The following FOXN3 variants were observed in gnomAD, a reference collection of about 807,000 sequenced individuals.
FOXN3 encodes the protein forkhead box N3, also known as forkhead box protein N3.
A neutral mutation model predicts 38.4 loss-of-function variants in FOXN3; 7 were observed. That is an observed-to-expected ratio of 0.18 (90% CI 0.10 to 0.34). The LOEUF (loss-of-function observed/expected upper bound fraction) is 0.34, where lower values mean the gene tolerates loss of function less well. FOXN3 is among the 10% of genes least tolerant of loss of function. The probability of loss-of-function intolerance (pLI) is 1.00; values close to 1 mark genes in which losing one functional copy is unlikely to be tolerated. For missense variants in FOXN3, 456 were observed against 613.4 expected (o/e 0.74, Z 2.71); for synonymous variants, 230 against 242.2 (o/e 0.95, Z 0.47).
chr14:89,590,962 A>G (rs764648208), intron 1 of FOXN3, among the ~76,000 whole-genome samples: 6 of 148,864 alleles, frequency 4.0e-5, no homozygotes, highest in Non-Finnish European at 6.0e-5. Flanking sequence ...TCCTTGTCCA[A>G]TCACCGCTCT....
chr14:89,248,556 G>C (rs991297406), intron 4 of FOXN3, among the ~76,000 whole-genome samples: 2 of 152,200 alleles, frequency 1.3e-5, no homozygotes, highest in Non-Finnish European at 1.5e-5. Context: ...TGCCCTGGGG[G>C]GAAAAGTCAG....
intron 1 of FOXN3, among the ~76,000 whole-genome samples, chr14:89,520,074 C>G (rs1012057252): frequency 1.3e-4 from 19 of 141,692 alleles, no homozygotes; most frequent in Non-Finnish European, 2.4e-4. Flanking sequence ...AGTGCAGCGG[C>G]ACGAGCGCGG....
chr14:89,235,925 C>T (rs1435497917), intron 4 of FOXN3, among the ~76,000 whole-genome samples: 1 of 147,838 alleles, frequency 6.8e-6, no homozygotes, highest in Non-Finnish European at 1.5e-5. Context: ...TTGTTTGAAG[C>T]CACTAGGTTT....
chr14:89,337,006 A>C (rs2139994011), intron 3 of FOXN3, among the ~76,000 whole-genome samples: 1 of 152,302 alleles, frequency 6.6e-6, no homozygotes, highest in South Asian at 2.1e-4. Flanking sequence ...ATTCCATTGG[A>C]GTCACCGTAT....
At chr14:89,264,563 T>C (rs1885912524) in intron 4 of FOXN3, among the ~76,000 whole-genome samples, 2 of 152,122 alleles carry the variant, frequency 1.3e-5, no homozygotes, top group Non-Finnish European at 1.5e-5. Flanking sequence ...ACCAGAACCT[T>C]GGCCTGTCTT....
At chr14:89,502,474 GACA>G (rs1459343243) in intron 1 of FOXN3, among the ~76,000 whole-genome samples, 1 of 152,204 alleles carries the variant, frequency 6.6e-6, no homozygotes, top group African/African-American at 2.4e-5. Flanking sequence ...ATAAAAAATT[GACA>G]ACATTTGGCA....
At chr14:89,563,431 C>G (rs1210505585) in intron 1 of FOXN3, among the ~76,000 whole-genome samples, 3 of 152,180 alleles carry the variant, frequency 2.0e-5, no homozygotes, top group African/African-American at 7.2e-5. Flanking sequence ...TGATGGAAGA[C>G]AGGTCTTGTG....
At chr14:89,175,060 G>A (rs565305860) in intron 5 of FOXN3, among the ~76,000 whole-genome samples, 15 of 152,310 alleles carry the variant, frequency 9.8e-5, no homozygotes, top group Admixed American at 7.8e-4. Context: ...TCTTCTCAAG[G>A]GAGGAGATAA....
rs913279349 is a variant in FOXN3 at position 89,161,233 on chromosome 14, A to G, written c.*1181T>C. The G allele has an allele frequency of 3.3e-5, 5 of 152,518 alleles. No individual in the cohort carries two copies. The highest frequency in any genetic ancestry group is 1.2e-4 in the African/African-American group (5 of 41,426). 9.4% of individuals were successfully genotyped at this position (152,518 alleles called of 1,614,324 possible). A position where few individuals can be genotyped will look rare whatever the true frequency, so the allele number is the denominator to read the frequency against. On this transcript the variant is annotated 3_prime_UTR_variant, in exon 6 of 6. Coordinates refer to ENST00000557258, the MANE Select transcript of FOXN3 (RefSeq NM_005197.4). ...GGAAATCACTGATTTTTGCAAAGAT[A>G]AATCCTGATATTAATTGCAAACTCC... is the stretch of plus-strand genomic sequence containing the variant.
chr14:89,490,922 T>C (rs1406851270), intron 1 of FOXN3, among the ~76,000 whole-genome samples: 1 of 152,242 alleles, frequency 6.6e-6, no homozygotes, highest in East Asian at 1.9e-4. Flanking sequence ...ACATACGTCA[T>C]GGCCCTTGTC....
chr14:89,389,781 C>T (rs924006034), intron 2 of FOXN3, among the ~76,000 whole-genome samples: 1 of 152,204 alleles, frequency 6.6e-6, no homozygotes, highest in East Asian at 1.9e-4. Flanking sequence ...ATCCACCAGT[C>T]ATCTCACAGA....
chr14:89,295,978 T>C (rs1320211658), intron 3 of FOXN3, among the ~76,000 whole-genome samples: 1 of 152,020 alleles, frequency 6.6e-6, no homozygotes, highest in Non-Finnish European at 1.5e-5. Flanking sequence ...TTCTTCACTA[T>C]CATCATCTCA....
intron 1 of FOXN3, among the ~76,000 whole-genome samples, chr14:89,499,575 C>T (rs1893754627): frequency 6.6e-6 from 1 of 150,582 alleles, no homozygotes; most frequent in African/African-American, 2.4e-5. Flanking sequence ...ATTTTAGTTT[C>T]TAAATTAAAT....
At chr14:89,447,321 T>G (rs1892523918) in intron 1 of FOXN3, among the ~76,000 whole-genome samples, 1 of 152,138 alleles carries the variant, frequency 6.6e-6, no homozygotes, top group Admixed American at 6.5e-5. Context: ...TTCATTTACT[T>G]CCTCCACCAG....
intron 1 of FOXN3, among the ~76,000 whole-genome samples, chr14:89,572,422 T>A (rs147022006): frequency 3.3e-5 from 5 of 152,290 alleles, no homozygotes; most frequent in African/African-American, 7.2e-5. Context: ...AGTTGATAAG[T>A]TTAGACATGC....
At chr14:89,355,959 C>G (rs1026634127) in intron 2 of FOXN3, among the ~76,000 whole-genome samples, 5 of 151,706 alleles carry the variant, frequency 3.3e-5, no homozygotes, top group Non-Finnish European at 7.4e-5. Context: ...GAGCAGGCAC[C>G]ACCTCTGCCC....
intron 5 of FOXN3, among the ~76,000 whole-genome samples, chr14:89,180,110 C>T (rs560570291): frequency 3.7e-4 from 56 of 152,296 alleles, no homozygotes; most frequent in African/African-American, 1.3e-3. Context: ...GACCCTGATC[C>T]GGGGCTGACA....
At chr14:89,545,602 A>G (rs1008052746) in intron 1 of FOXN3, among the ~76,000 whole-genome samples, 1 of 152,244 alleles carries the variant, frequency 6.6e-6, no homozygotes, top group Non-Finnish European at 1.5e-5. Context: ...AGCTAAAAGC[A>G]GCCTCCTCTG....
intron 1 of FOXN3, among the ~76,000 whole-genome samples, chr14:89,562,435 T>C (rs902290031): frequency 6.6e-6 from 1 of 152,104 alleles, no homozygotes; most frequent in African/African-American, 2.4e-5. Flanking sequence ...AATTTTTGTA[T>C]TTTCAGTAGA....
Sources: gnomAD v4.1 joint callset for allele counts (sites outside exome capture counted in the v4.1 genomes callset) on GRCh38, gnomAD v4.1.1 for gene constraint, MANE v1.5 for transcripts, NCBI Gene and HGNC (gene_info 2026-07-23, HGNC 2026-07-21) for gene names.